NTN4: variants seen among roughly 807,000 people sequenced by gnomAD.
NTN4 encodes netrin 4.
In NTN4, 32 loss-of-function variants were observed where a neutral mutation model predicts 73.6. The ratio of observed to expected loss-of-function variants is 0.44; its 90% confidence interval spans 0.33 to 0.58. The LOEUF (loss-of-function observed/expected upper bound fraction) is 0.58. Ranked by LOEUF, NTN4 falls within the 20% of genes least tolerant of loss-of-function variation. NTN4 has a pLI of 0.04. For synonymous variants in NTN4, 258 were observed against 287.5 expected (o/e 0.90, Z 1.04); for missense variants, 654 against 798.3 (o/e 0.82, Z 2.18).
chr12:95,694,795 G>C (rs1166661504), intron 5 of NTN4, among the ~76,000 whole-genome samples: 1 of 152,062 alleles, frequency 6.6e-6, no homozygotes, highest in East Asian at 1.9e-4. Flanking sequence ...ACGTTCAATG[G>C]TAGCTAGTTC....
intron 2 of NTN4, among the ~76,000 whole-genome samples, chr12:95,769,285 G>C (rs1394957547): frequency 6.6e-6 from 1 of 152,150 alleles, no homozygotes; most frequent in Admixed American, 6.5e-5. Flanking sequence ...GTGGAATTGA[G>C]AGAACTGATA....
intron 5 of NTN4, among the ~76,000 whole-genome samples, chr12:95,684,521 T>C (rs974453242): frequency 6.6e-6 from 1 of 151,918 alleles, no homozygotes; most frequent in African/African-American, 2.4e-5. Context: ...TTGCCCAGGC[T>C]GGTCTCAAAC....
chr12:95,698,912 A>T (rs1382763166), intron 5 of NTN4, among the ~76,000 whole-genome samples: 1 of 151,906 alleles, frequency 6.6e-6, no homozygotes, highest in Admixed American at 6.6e-5. Flanking sequence ...ATGAATTTCA[A>T]TATGTGTTAT....
At chr12:95,717,944 G>T (rs1287892582) in intron 3 of NTN4, among the ~76,000 whole-genome samples, 1 of 152,156 alleles carries the variant, frequency 6.6e-6, no homozygotes, top group East Asian at 1.9e-4. Context: ...CTCTGCCAAT[G>T]TCAAAAGTTT....
chr12:95,713,203 G>A lies in NTN4; in HGVS notation c.991+9C>T. 1.2e-6 allele frequency: 2 copies of A among 1,609,374 alleles called. No individual in the cohort carries two copies. The highest frequency in any genetic ancestry group is 1.7e-6 in the Non-Finnish European group (2 of 1,176,214). ...GAAAGCTTTTGAGTATCGTGGGCTT[G>A]TTACTTACTTCTGCACTCGTTGGGA... is the stretch of plus-strand genomic sequence containing the variant. On this transcript the variant is annotated intron_variant, in intron 4 of 9. Transcript: ENST00000343702.
At chr12:95,769,464 G>C (rs2079041050) in intron 2 of NTN4, among the ~76,000 whole-genome samples, 2 of 150,180 alleles carry the variant, frequency 1.3e-5, no homozygotes, top group East Asian at 2.0e-4. Context: ...ATTGAGCAAT[G>C]AACGACTCGC....
At position 95,700,361 on chromosome 12, in the gene NTN4, A is replaced by G. The variant is rs116854705; in HGVS notation, c.1180+10080T>C. On this transcript the variant is annotated intron_variant, in intron 5 of 9. Coordinates refer to ENST00000343702, the MANE Select transcript of NTN4 (RefSeq NM_021229.4). ...CCAAGAGGCCAAAAGGCTGAATCAG[A>G]GTCACCAACGATGCTTTTTAAAGGA... Among the ~76,000 whole-genome samples the G allele has an allele frequency of 1.4e-4, 21 of 152,236 alleles. No individual in the cohort carries two copies. The East Asian group carries it at 3.9e-3, about 28-fold the overall frequency.
intron 3 of NTN4, among the ~76,000 whole-genome samples, chr12:95,724,023 G>GT (rs1044519595): frequency 1.4e-4 from 21 of 149,178 alleles, no homozygotes; most frequent in African/African-American, 2.7e-4. Flanking sequence ...GTTACCTAGA[G>GT]TTTTTTTTTT....
chr12:95,771,248 C>G (rs1042517857), intron 2 of NTN4, among the ~76,000 whole-genome samples: 22 of 152,110 alleles, frequency 1.4e-4, no homozygotes, highest in African/African-American at 5.3e-4. Flanking sequence ...CTCGGCTTCC[C>G]AAAGTGCTGG....
intron 2 of NTN4, among the ~76,000 whole-genome samples, chr12:95,745,796 A>G (rs990238855): frequency 3.9e-5 from 6 of 152,210 alleles, no homozygotes; most frequent in African/African-American, 1.4e-4. Context: ...TTTCCTGGAA[A>G]TAGCTGGATC....
chr12:95,787,302 C>A lies in NTN4; in HGVS notation c.222G>T (p.Gln74His). 6.2e-7 allele frequency: 1 copy of A among 1,614,228 alleles called. No homozygotes were observed. Residue 74 changes from glutamine (Q) to histidine (H), a missense_variant, in exon 2 of 10, where the codon CAG (glutamine) becomes CAT (histidine). Physicochemically the swap from Gln to His is conservative, Grantham distance 24. Coordinates refer to ENST00000343702, the MANE Select transcript of NTN4 (RefSeq NM_021229.4). The stretch of plus-strand genomic sequence containing the variant: ...CAGCATTGCACTTGTCACATTTGGG[C>A]TGCCGACAAGTCAGATCCGTGTTCT... Reference protein sequence around the residue: ...YSENTDLTCRQPKCDKCNAAY... With the variant: ...YSENTDLTCRHPKCDKCNAAY...
chr12:95,773,415 A>C (rs192814827), intron 2 of NTN4, among the ~76,000 whole-genome samples: 93 of 152,294 alleles, frequency 6.1e-4, no homozygotes, highest in Non-Finnish European at 1.1e-3. Flanking sequence ...AAAATAATGA[A>C]CAGGATTGAA....
intron 5 of NTN4, among the ~76,000 whole-genome samples, chr12:95,709,105 A>G (rs1470360209): frequency 1.3e-5 from 2 of 152,226 alleles, no homozygotes; most frequent in African/African-American, 2.4e-5. Context: ...TTGCACATTG[A>G]TATCTTCTCC....
intron 2 of NTN4, among the ~76,000 whole-genome samples, chr12:95,751,236 A>C (rs1436310491): frequency 1.3e-5 from 2 of 151,844 alleles, no homozygotes; most frequent in African/African-American, 4.9e-5. Flanking sequence ...AATAGAAAAA[A>C]GTTGCAATTC....
chr12:95,689,813 A>G (rs1372245714), intron 5 of NTN4, among the ~76,000 whole-genome samples: 4 of 152,178 alleles, frequency 2.6e-5, no homozygotes, highest in African/African-American at 9.7e-5. Flanking sequence ...GTAACCCTCC[A>G]GTGCTTTAAA....
chr12:95,672,110 CA>C (rs564437181), intron 7 of NTN4, among the ~76,000 whole-genome samples: 2 of 151,668 alleles, frequency 1.3e-5, no homozygotes, highest in Non-Finnish European at 2.9e-5. Context: ...TGCTTGAGCC[CA>C]GGAGTCTAAG....
At chr12:95,778,703 C>T (rs1279675786) in intron 2 of NTN4, among the ~76,000 whole-genome samples, 7 of 152,038 alleles carry the variant, frequency 4.6e-5, no homozygotes, top group African/African-American at 7.2e-5. Flanking sequence ...CAGGACCAGA[C>T]GGATTCACAG....
chr12:95,665,568 T>C (rs2078173001), intron 9 of NTN4: 2 of 298,842 alleles, frequency 6.7e-6, no homozygotes, highest in African/African-American at 4.3e-5. Context: ...CCTCCTCTTT[T>C]AGGATAGAGA....
At chr12:95,716,136 TA>T (rs2121101395) in intron 3 of NTN4, among the ~76,000 whole-genome samples, 1 of 150,570 alleles carries the variant, frequency 6.6e-6, no homozygotes, top group African/African-American at 2.4e-5. Flanking sequence ...AACACATAAA[TA>T]ATCTGATAGA....
Sources: gnomAD v4.1 joint callset for allele counts (sites outside exome capture counted in the v4.1 genomes callset) on GRCh38, gnomAD v4.1.1 for gene constraint, MANE v1.5 for transcripts, NCBI Gene and HGNC (gene_info 2026-07-23, HGNC 2026-07-21) for gene names.